Variants in COX4I1 observed in about 807,000 individuals in gnomAD.
COX4I1 encodes the protein cytochrome c oxidase subunit 4 isoform 1, mitochondrial.
COX4I1 carries 18 observed loss-of-function variants against 21.7 expected under a neutral mutation model. The observed-to-expected ratio is 0.83, with a 90% CI of 0.57 to 1.23. The LOEUF (loss-of-function observed/expected upper bound fraction) is 1.23, where lower values mean the gene tolerates loss of function less well. COX4I1 is among the 50% of genes most tolerant of loss of function. The probability of loss-of-function intolerance (pLI) is 0.00; values close to 1 mark genes in which losing one functional copy is unlikely to be tolerated. For synonymous variants in COX4I1, 100 were observed against 81.5 expected, an observed-to-expected ratio of 1.23 and a Z score of -1.23; for missense variants, 238 against 220.7, an observed-to-expected ratio of 1.08 and a Z score of -0.50.
chr16:85,801,071 A>G, intron 1 of COX4I1, 134 bp from the exon 2 acceptor site: 1 of 634,172 alleles, frequency 1.6e-6, no homozygotes, highest in East Asian at 2.6e-5. Context: ...ATTCAGAGAC[A>G]GTGATAAAGA....
chr16:85,806,759 G>T lies in COX4I1; in HGVS notation c.395G>T (p.Ser132Ile). 1 of 1,614,142 alleles carries T rather than the reference G, an allele frequency of 6.2e-7. No individual in the cohort carries two copies. Among genetic ancestry groups the T allele is most frequent in the Non-Finnish European group, 8.5e-7 (1 of 1,180,018 alleles). The change falls in exon 5 of 5, where the codon AGC (serine) becomes ATC (isoleucine). Residue 132 changes from serine (S) to isoleucine (I), a missense_variant. By Grantham distance (142) the Ser-to-Ile change is moderately radical (BLOSUM62 -2). Coordinates refer to ENST00000253452, the MANE Select transcript of COX4I1 (RefSeq NM_001861.6). ...KHYVYGPLPQ[S>I]FDKEWVAKQT... ...GTAGTGTACGGCCCCCTCCCGCAAA[G>T]CTTTGACAAAGAGTGGGTGGCCAAG...
Position 85,805,644 on chromosome 16 carries a change from G to A in COX4I1, c.242-89G>A, listed in dbSNP as rs1906131229. 4.4e-6 allele frequency: 7 copies of A among 1,574,974 alleles called. No homozygotes were observed. The Admixed American group carries it at 6.8e-5, about 15-fold the overall frequency. ...CAGCTCTGTGTTTCCTCCTTCACAA[G>A]TGTGGTTTTGGGGAGAAGTGGTTGA... On this transcript the variant is annotated intron_variant, in intron 3 of 4. Transcript: ENST00000253452.
In COX4I1 at chr16:85,805,840, G is replaced by A. The variant is rs746963034; in HGVS notation, c.349G>A (p.Val117Ile). Reference sequence around the variant, plus strand: ...GTTCTTCATCGGTTTCACCGCGCTCGTTATCATGTGGCAGAAGCACTATGG... The same window carrying A: ...GTTCTTCATCGGTTTCACCGCGCTCATTATCATGTGGCAGAAGCACTATGG... The part of the protein sequence containing the change: ...AMFFIGFTAL[V>I]IMWQKHYVYG... The change falls in exon 4 of 5, where the codon GTT becomes ATT. Residue 117 changes from valine (V) to isoleucine (I), a missense_variant. Physicochemically the swap from Val to Ile is conservative, Grantham distance 29. Transcript: ENST00000253452. 9.9e-6 allele frequency: 16 copies of A among 1,614,114 alleles called. No homozygotes were observed. Among genetic ancestry groups the A allele is most frequent in the East Asian group, 8.9e-5 (4 of 44,902 alleles).
In COX4I1 at chr16:85,805,122, C is replaced by G. The variant is rs778449832; in HGVS notation, c.241+18C>G. The G allele has an allele frequency of 5.6e-6, 9 of 1,602,366 alleles. No homozygotes were observed. Among genetic ancestry groups the G allele is most frequent in the Non-Finnish European group, 7.7e-6 (9 of 1,175,238 alleles). The stretch of plus-strand genomic sequence containing the variant: ...AGTCGAGTGTGGGTATTGAAGGGAC[C>G]CACAGGCGCGCCCAGCAGCTCTCGG... On this transcript the variant is annotated intron_variant, in intron 3 of 4. Transcript: ENST00000253452.
At chr16:85,800,759 G>A (rs1476900954) in intron 1 of COX4I1, among the ~76,000 whole-genome samples, 1 of 152,106 alleles carries the variant, frequency 6.6e-6, no homozygotes, top group African/African-American at 2.4e-5. Context: ...AAGTAGCGGG[G>A]ATTACGGGCG....
intron 2 of COX4I1, chr16:85,803,337 G>A (rs1318239432): frequency 1.3e-5 from 2 of 152,296 alleles, no homozygotes; most frequent in Admixed American, 6.5e-5. Context: ...TCATTTGCAC[G>A]GCTAAGAGAA....
In COX4I1 at chr16:85,799,755, G is replaced by A. The variant is rs1208283693; in HGVS notation, c.-2+3G>A. ...GTCGCGGCGGGCAGTGGCGGCAGGT[G>A]AGACAGGAGGTGGCCGGTGCGGCGC... On this transcript the variant is annotated splice_donor_region_variant and intron_variant, in intron 1 of 4. Coordinates refer to ENST00000253452, the MANE Select transcript of COX4I1 (RefSeq NM_001861.6). The surrounding 1 kb of genome is among the most constrained non-coding windows in gnomAD (Gnocchi z 4.2). 6.4e-6 allele frequency: 1 copy of A among 155,960 alleles called. No individual in the cohort carries two copies. The highest frequency in any genetic ancestry group is 1.9e-4 in the East Asian group (1 of 5,278). 9.7% of individuals were successfully genotyped at this position (155,960 alleles called of 1,614,324 possible).
At position 85,806,950 on chromosome 16, in the gene COX4I1, C is replaced by G. The variant is rs1906263776; in HGVS notation, c.*76C>G. 3 of 1,501,784 alleles carry G rather than the reference C, an allele frequency of 2.0e-6. No individual in the cohort carries two copies. In the Admixed American group the frequency reaches 5.6e-5, roughly 28 times the overall value. The allele number at this position is 1,501,784 out of a possible 1,614,324, so 93.0% of individuals were successfully genotyped here. The stretch of plus-strand genomic sequence containing the variant: ...AACTCCATGCCTATTTACTGGAAAC[C>G]TGTTATGCCAAACAGTTGTACCACT... On this transcript the variant is annotated 3_prime_UTR_variant, in exon 5 of 5. Transcript: ENST00000253452.
At chr16:85,806,017 A>T (rs1462858174) in intron 4 of COX4I1, 153 bp downstream of exon 4, 1 of 1,062,384 alleles carries the variant, frequency 9.4e-7, no homozygotes, top group Non-Finnish European at 1.4e-6. Flanking sequence ...GGCCTTGGTG[A>T]CCTGGAGAAC....
chr16:85,802,112 C>T (rs537598289), intron 2 of COX4I1, among the ~76,000 whole-genome samples: 2 of 152,276 alleles, frequency 1.3e-5, no homozygotes, highest in South Asian at 2.1e-4. Flanking sequence ...CTGTTGTACT[C>T]AAAACCCAAA....
chr16:85,800,492 G>A (rs920215934), intron 1 of COX4I1, among the ~76,000 whole-genome samples: 1 of 152,200 alleles, frequency 6.6e-6, no homozygotes, highest in Non-Finnish European at 1.5e-5. Flanking sequence ...TCAGTTGAAT[G>A]TGATGCGTGC....
chr16:85,805,130 G>A (rs781661744), intron 3 of COX4I1, 26 bp downstream of exon 3: 8 of 1,596,706 alleles, frequency 5.0e-6, no homozygotes, highest in African/African-American at 4.0e-5. Flanking sequence ...ACCCACAGGC[G>A]CGCCCAGCAG....
At chr16:85,804,733 G>C (rs970676423) in intron 2 of COX4I1, 1 of 490,460 alleles carries the variant, frequency 2.0e-6, no homozygotes, top group Non-Finnish European at 3.6e-6. Context: ...TGCCCCTGGT[G>C]GGTTTTTGTT....
intron 2 of COX4I1, chr16:85,804,123 G>C (rs1037394522): frequency 4.6e-5 from 7 of 152,276 alleles, no homozygotes; most frequent in African/African-American, 1.7e-4. Context: ...GTTTCTAAGA[G>C]CTAGCACGAT....
chr16:85,800,502 C>G (rs949268917), intron 1 of COX4I1, among the ~76,000 whole-genome samples: 1 of 152,158 alleles, frequency 6.6e-6, no homozygotes, highest in African/African-American at 2.4e-5. Flanking sequence ...GTGATGCGTG[C>G]CACGGTCCCT....
Position 85,805,103 on chromosome 16 carries a change from G to T in COX4I1, c.240G>T (p.Glu80Asp), listed in dbSNP as rs142400268. The change falls in exon 3 of 5, where the codon GAG (glutamate) becomes GAT (aspartate). Residue 80 changes from glutamate (E) to aspartate (D), a missense_variant and splice_region_variant. Coordinates refer to ENST00000253452, the MANE Select transcript of COX4I1 (RefSeq NM_001861.6). The stretch of plus-strand genomic sequence containing the variant: ...GCCTCTCCATGGATGAGAAAGTCGA[G>T]TGTGGGTATTGAAGGGACCCACAGG... ...WSSLSMDEKV[E>D]LYRIKFKESF... is the part of the protein sequence containing the mutation. 6.2e-7 allele frequency: 1 copy of T among 1,611,696 alleles called. No individual in the cohort carries two copies. Among genetic ancestry groups the T allele is most frequent in the South Asian group, 1.1e-5 (1 of 90,820 alleles).
intron 2 of COX4I1, chr16:85,804,140 C>G (rs1437538726): frequency 6.6e-6 from 1 of 152,270 alleles, no homozygotes; most frequent in Admixed American, 6.5e-5. Context: ...CGATTTCTCA[C>G]TCAGTCCTGG....
intron 2 of COX4I1, 55 bp from the exon 3 acceptor site, chr16:85,804,882 G>A: frequency 6.6e-7 from 1 of 1,512,056 alleles, no homozygotes; most frequent in Non-Finnish European, 9.0e-7. Context: ...GTATCACCTT[G>A]GGGTGACTCT....
chr16:85,805,015 A>G lies in COX4I1; in HGVS notation c.152A>G (p.His51Arg). ...RRDHPLPEVA[H>R]VKHLSASQKA... ...GACCACCCCTTGCCGGAGGTGGCCC[A>G]TGTCAAGCACCTGTCTGCCAGCCAG... The change falls in exon 3 of 5, where the codon CAT (histidine) becomes CGT (arginine). Residue 51 changes from histidine to arginine, a missense_variant. Transcript: ENST00000253452. 1 of 1,614,158 alleles carries G rather than the reference A, an allele frequency of 6.2e-7. No individual in the cohort carries two copies.
Sources: gnomAD v4.1 joint callset for allele counts (sites outside exome capture counted in the v4.1 genomes callset) on GRCh38, gnomAD v4.1.1 for gene constraint, Gnocchi (gnomAD v3.1) non-coding constraint, MANE v1.5 for transcripts, NCBI Gene and HGNC (gene_info 2026-07-23, HGNC 2026-07-21) for gene names.